Variants in WSCD2 observed in about 807,000 individuals in gnomAD.
WSCD2 encodes the protein sialate:O-sulfotransferase 2.
Under a neutral mutation model 55.7 loss-of-function variants are expected in WSCD2, and 28 were observed. That is an observed-to-expected ratio of 0.50 (90% CI 0.37 to 0.69). The LOEUF (loss-of-function observed/expected upper bound fraction) is 0.69. WSCD2 is among the 30% of genes least tolerant of loss of function. The pLI is 0.00. For synonymous variants in WSCD2, 301 were observed against 301.9 expected (o/e 1.00, Z 0.03); for missense variants, 616 against 762.1 (o/e 0.81, Z 2.26).
At chr12:108,219,991 TG>T (rs34052289) in intron 4 of WSCD2, among the ~76,000 whole-genome samples, 3,410 of 152,312 alleles carry the variant, frequency 0.022, 168 homozygotes, top group Admixed American at 0.13. Context: ...CCTGACTTTC[TG>T]AGTGATTTGT....
At position 108,248,546 on chromosome 12, in the gene WSCD2, A is replaced by G; in HGVS notation, c.*203A>G. The G allele has an allele frequency of 7.2e-7, 1 of 1,390,892 alleles. No individual in the cohort carries two copies. The highest frequency in any genetic ancestry group is 9.3e-7 in the Non-Finnish European group (1 of 1,074,464). The allele number at this position is 1,390,892 out of a possible 1,614,324, so 86.2% of individuals were successfully genotyped here. The stretch of plus-strand genomic sequence containing the variant: ...GCCCAGGCACTACCACTCTGCTCAC[A>G]TGTTCCCCCCTTGGCAATGTGGGGC... On this transcript the variant is annotated 3_prime_UTR_variant, in exon 9 of 9. Coordinates refer to ENST00000547525, the MANE Select transcript of WSCD2 (RefSeq NM_014653.4). The surrounding 1 kb of genome is among the most constrained non-coding windows in gnomAD (Gnocchi z 4.3).
At chr12:108,214,361 AT>A (rs376605409) in intron 4 of WSCD2, among the ~76,000 whole-genome samples, 405 of 152,362 alleles carry the variant, frequency 2.7e-3, no homozygotes, top group African/African-American at 9.3e-3. Context: ...TAGTGAGAGC[AT>A]TAAAAGGTTA....
At chr12:108,194,361 C>T (rs560596600) in intron 1 of WSCD2, among the ~76,000 whole-genome samples, 4 of 152,286 alleles carry the variant, frequency 2.6e-5, no homozygotes, top group African/African-American at 7.2e-5. Flanking sequence ...GGATGGGCTA[C>T]CGTCTGGGGG....
intron 8 of WSCD2, among the ~76,000 whole-genome samples, chr12:108,245,052 G>A (rs1889989261): frequency 1.3e-5 from 2 of 152,148 alleles, no homozygotes; most frequent in African/African-American, 2.4e-5. Context: ...ATGTGTGCAG[G>A]TGTGTTTTTA....
rs1016672980 is a variant in WSCD2 at position 108,248,549 on chromosome 12, T to G, written c.*206T>G. The G allele has an allele frequency of 2.2e-6, 3 of 1,380,610 alleles. No homozygotes were observed. Among genetic ancestry groups the G allele is most frequent in the African/African-American group, 1.5e-5 (1 of 68,910 alleles). The allele number at this position is 1,380,610 out of a possible 1,614,324, so 85.5% of individuals were successfully genotyped here. ...CAGGCACTACCACTCTGCTCACATGTTCCCCCCTTGGCAATGTGGGGCATC... is the reference window on the plus strand; with the variant it reads ...CAGGCACTACCACTCTGCTCACATGGTCCCCCCTTGGCAATGTGGGGCATC... On this transcript the variant is annotated 3_prime_UTR_variant, in exon 9 of 9. Transcript: ENST00000547525. The surrounding 1 kb of genome is among the most constrained non-coding windows in gnomAD (Gnocchi z 4.3).
chr12:108,229,399 A>G (rs1386210888), intron 6 of WSCD2, among the ~76,000 whole-genome samples: 1 of 152,246 alleles, frequency 6.6e-6, no homozygotes, highest in African/African-American at 2.4e-5. Context: ...AACTTGGCCA[A>G]AGTCAAACAG....
At chr12:108,183,763 A>G (rs1229527338) in intron 1 of WSCD2, among the ~76,000 whole-genome samples, 1 of 152,074 alleles carries the variant, frequency 6.6e-6, no homozygotes, top group Non-Finnish European at 1.5e-5. Flanking sequence ...CACAGAAAAC[A>G]ATGTCACATA....
intron 4 of WSCD2, among the ~76,000 whole-genome samples, chr12:108,224,517 C>T (rs958654714): frequency 6.6e-6 from 1 of 152,158 alleles, no homozygotes; most frequent in African/African-American, 2.4e-5. Flanking sequence ...GACAAAGGGG[C>T]CAGGGTTGAG....
intron 1 of WSCD2, among the ~76,000 whole-genome samples, chr12:108,166,787 T>TTCTTTCTC (rs1180713499): frequency 3.4e-5 from 5 of 146,242 alleles, no homozygotes; most frequent in East Asian, 2.0e-4. Context: ...CTTTCTTTCT[T>TTCTTTCTC]TCTGTCTTTC....
intron 1 of WSCD2, among the ~76,000 whole-genome samples, chr12:108,150,110 G>A (rs1877817592): frequency 6.6e-6 from 1 of 151,632 alleles, no homozygotes; most frequent in Non-Finnish European, 1.5e-5. Flanking sequence ...CCTAACAACA[G>A]CCCTATGAGG....
At chr12:108,134,936 C>T (rs754844064) in intron 1 of WSCD2, among the ~76,000 whole-genome samples, 21 of 152,128 alleles carry the variant, frequency 1.4e-4, no homozygotes, top group Non-Finnish European at 2.8e-4. Flanking sequence ...TGTCAGAGAC[C>T]GTGTTTTTAA....
intron 8 of WSCD2, 102 bp downstream of exon 8, chr12:108,240,646 A>G: frequency 6.0e-6 from 8 of 1,335,192 alleles, no homozygotes; most frequent in Middle Eastern, 2.5e-4. Flanking sequence ...GCAGGAGGCA[A>G]TGCCTCATGC....
intron 1 of WSCD2, among the ~76,000 whole-genome samples, chr12:108,155,115 G>T (rs1478903235): frequency 6.6e-6 from 1 of 152,172 alleles, no homozygotes; most frequent in Admixed American, 6.5e-5. Flanking sequence ...TGGGGCCTCA[G>T]TTTCCTGATC....
intron 1 of WSCD2, among the ~76,000 whole-genome samples, chr12:108,137,912 A>C (rs1876387780): frequency 6.6e-6 from 1 of 152,228 alleles, no homozygotes; most frequent in Non-Finnish European, 1.5e-5. Context: ...GGTGCTCAAG[A>C]AATGAATATT....
intron 6 of WSCD2, among the ~76,000 whole-genome samples, chr12:108,227,752 T>C (rs1270802634): frequency 1.3e-5 from 2 of 150,886 alleles, no homozygotes; most frequent in Non-Finnish European, 2.9e-5. Flanking sequence ...ATGATGATGA[T>C]GGTGATGATT....
intron 2 of WSCD2, among the ~76,000 whole-genome samples, chr12:108,198,179 C>A (rs1025801188): frequency 6.6e-6 from 1 of 151,946 alleles, no homozygotes; most frequent in East Asian, 1.9e-4. Flanking sequence ...GGACTGTCAG[C>A]TCCAGGAGGG....
chr12:108,147,372 C>A (rs1188750878), intron 1 of WSCD2, among the ~76,000 whole-genome samples: 1 of 152,090 alleles, frequency 6.6e-6, no homozygotes, highest in Non-Finnish European at 1.5e-5. Context: ...GCCTTTGGGT[C>A]AGGGTGGGTG....
chr12:108,178,232 A>G (rs1227324301), intron 1 of WSCD2, among the ~76,000 whole-genome samples: 1 of 152,102 alleles, frequency 6.6e-6, no homozygotes, highest in African/African-American at 2.4e-5. Context: ...CTGTGTCTTC[A>G]TAGCGTCTTC....
intron 4 of WSCD2, among the ~76,000 whole-genome samples, chr12:108,221,397 A>T (rs1345503071): frequency 6.6e-6 from 1 of 152,148 alleles, no homozygotes; most frequent in African/African-American, 2.4e-5. Flanking sequence ...TCTACTAAAA[A>T]TACAAAAATT....
Sources: allele counts gnomAD v4.1 joint callset (sites outside exome capture counted in the v4.1 genomes callset), GRCh38; gene constraint gnomAD v4.1.1; non-coding constraint Gnocchi (gnomAD v3.1); transcripts MANE v1.5; gene names NCBI Gene and HGNC (gene_info 2026-07-23, HGNC 2026-07-21).